SOD2: variants seen among roughly 807,000 people sequenced by gnomAD.
SOD2 encodes superoxide dismutase [Mn], mitochondrial.
Under a neutral mutation model 27.0 loss-of-function variants are expected in SOD2, and 11 were observed. The observed-to-expected ratio is 0.41, with a 90% confidence interval of 0.26 to 0.67. The LOEUF (loss-of-function observed/expected upper bound fraction) is 0.67. Among genes scored for constraint, SOD2 ranks in the 30% least tolerant of loss-of-function variants. The pLI is 0.34. For synonymous variants in SOD2, 105 were observed against 103.0 expected (o/e 1.02, Z -0.12); for missense variants, 250 against 274.5 (o/e 0.91, Z 0.63).
intron 2 of SOD2, among the ~76,000 whole-genome samples, chr6:159,690,128 CCCACAAAAAGTAG>C (rs1371861349): frequency 6.7e-6 from 1 of 149,496 alleles, no homozygotes; most frequent in Non-Finnish European, 1.5e-5. Context: ...TACTAAAAAA[CCCACAAAAAGTAG>C]CCAGGCGTGG....
At chr6:159,735,649 T>G (rs190467797) in intron 1 of SOD2, among the ~76,000 whole-genome samples, 2 of 152,210 alleles carry the variant, frequency 1.3e-5, no homozygotes, top group Admixed American at 1.3e-4. Context: ...TTTAGGGGGC[T>G]GAGGCAGGAG....
intron 1 of SOD2, chr6:159,712,788 G>C: frequency 1.9e-6 from 1 of 523,084 alleles, no homozygotes; most frequent in East Asian, 4.8e-5. Flanking sequence ...TGCATAACTA[G>C]ACTGGTTGGG....
chr6:159,756,594 C>CTTTTTTTTTTTTTTTTT (rs3066261), intron 1 of SOD2, among the ~76,000 whole-genome samples: 1 of 94,372 alleles, frequency 1.1e-5, no homozygotes, highest in Non-Finnish European at 2.0e-5. Flanking sequence ...ATTTCTTAGG[C>CTTTTTTTTTTTTTTTTT]TTTTTTTTTT....
chr6:159,674,392 T>A lies in SOD2; in HGVS notation c.*8101A>T, dbSNP rs996282028. On this transcript the variant is annotated 3_prime_UTR_variant, in exon 5 of 5. Coordinates refer to ENST00000538183, the MANE Select transcript of SOD2 (RefSeq NM_000636.4). ...ATCCAGCAGCATATCAAAAAGCTTA[T>A]CCACCATGATCAAGTGGGCTTCATC... 1 of 152,206 alleles carries A rather than the reference T, an allele frequency of 6.6e-6. No homozygotes were observed. The highest frequency in any genetic ancestry group is 1.9e-4 in the East Asian group (1 of 5,204). 9.4% of individuals were successfully genotyped at this position (152,206 alleles called of 1,614,324 possible).
At position 159,679,680 on chromosome 6, in the gene SOD2, G is replaced by C. The variant is rs1779863798; in HGVS notation, c.*2813C>G. 6.6e-6 allele frequency: 1 copy of C among 152,196 alleles called. No individual in the cohort carries two copies. Among genetic ancestry groups the C allele is most frequent in the Non-Finnish European group, 1.5e-5 (1 of 68,040 alleles). 9.4% of individuals were successfully genotyped at this position (152,196 alleles called of 1,614,324 possible). Reference sequence around the variant, plus strand: ...GGTTTTTGAAGCACAGCTATGACTAGGGCAGGCACTGCTGATTCAGTCACA... The same window carrying C: ...GGTTTTTGAAGCACAGCTATGACTACGGCAGGCACTGCTGATTCAGTCACA... On this transcript the variant is annotated 3_prime_UTR_variant, in exon 5 of 5. Transcript: ENST00000538183.
chr6:159,719,587 C>A (rs1310493823), intron 1 of SOD2, among the ~76,000 whole-genome samples: 1 of 148,840 alleles, frequency 6.7e-6, no homozygotes, highest in Non-Finnish European at 1.5e-5. Flanking sequence ...GATCATGCTA[C>A]CTCACTCCAG....
chr6:159,692,290 A>C, intron 2 of SOD2: 1 of 744,990 alleles, frequency 1.3e-6, no homozygotes, highest in Non-Finnish European at 1.9e-6. Context: ...CCCAAAGCAC[A>C]TTATACAACA....
chr6:159,731,189 T>C (rs757207302), upstream of SOD2, among the ~76,000 whole-genome samples: 7 of 151,010 alleles, frequency 4.6e-5, no homozygotes, highest in Non-Finnish European at 7.4e-5. Context: ...AGGCTGGGCA[T>C]GGTGGCTCAC....
rs374270744 is a variant in SOD2 at position 159,703,145 on chromosome 6, T to C, written c.-115-10282A>G. 1.5e-4 allele frequency among the ~76,000 whole-genome samples: 23 copies of C among 152,136 alleles called. No individual in the cohort carries two copies. In the South Asian group the frequency reaches 2.3e-3, roughly 15 times the overall value. On this transcript the variant is annotated intron_variant, in intron 1 of 2. Coordinates refer to the SOD2 transcript ENST00000401980. ...GCCTGACCAACATGGAGAGACCCCG[T>C]CTCTACAAAAAATACAAAATTAGCC...
At chr6:159,696,973 T>C (rs1370259256), upstream of SOD2, among the ~76,000 whole-genome samples, 1 of 151,320 alleles carries the variant, frequency 6.6e-6, no homozygotes, top group East Asian at 2.0e-4. Flanking sequence ...CAAGAGTTCA[T>C]GGCTGCAATG....
chr6:159,685,706 C>T (rs1190126598), intron 3 of SOD2, among the ~76,000 whole-genome samples: 1 of 150,156 alleles, frequency 6.7e-6, no homozygotes, highest in Admixed American at 6.7e-5. Context: ...GCTCTGTCCT[C>T]AGTGTCTGTT....
Position 159,716,215 on chromosome 6 carries a change from G to C in SOD2, c.-116+10914C>G, listed in dbSNP as rs114959155. Among the ~76,000 whole-genome samples, 1,183 of 152,248 alleles carry C rather than the reference G, an allele frequency of 7.8e-3. 15 individuals are homozygous for C. Among genetic ancestry groups the C allele is most frequent in the African/African-American group, 0.026 (1,093 of 41,548 alleles). On this transcript the variant is annotated intron_variant, in intron 1 of 2. Transcript: ENST00000401980. ...GGTAACAGGAATCCTGATGAACAGTGGTTTTAAATATAAGGACATATCTGT... is the reference window on the plus strand; with the variant it reads ...GGTAACAGGAATCCTGATGAACAGTCGTTTTAAATATAAGGACATATCTGT...
At chr6:159,761,642 CGA>C (rs770865274) in exon 1 of SOD2, 3 of 450,292 alleles carry the variant, frequency 6.7e-6, no homozygotes, top group Admixed American at 2.5e-5. Context: ...CTGAGCTGAA[CGA>C]GAGATAAGTC....
chr6:159,702,214 G>C (rs1777533258), intron 1 of SOD2, among the ~76,000 whole-genome samples: 1 of 152,106 alleles, frequency 6.6e-6, no homozygotes, highest in South Asian at 2.1e-4. Flanking sequence ...CGGTGCTTTG[G>C]GAGGCTGAGG....
intron 1 of SOD2, chr6:159,713,545 CT>C (rs2114828858): frequency 2.7e-6 from 2 of 729,748 alleles, no homozygotes; most frequent in East Asian, 5.0e-5. Flanking sequence ...TTCCCCTGTG[CT>C]TCTGCCCTGA....
chr6:159,743,290 A>G (rs1583090632), intron 1 of SOD2, among the ~76,000 whole-genome samples: 3 of 152,196 alleles, frequency 2.0e-5, no homozygotes, highest in Admixed American at 1.3e-4. Flanking sequence ...CAGGTGATCT[A>G]CCTGCCTCAG....
intron 1 of SOD2, chr6:159,756,177 G>C (rs1170123520): frequency 6.6e-6 from 1 of 152,642 alleles, no homozygotes; most frequent in African/African-American, 2.4e-5. Flanking sequence ...TTCTCTTTAG[G>C]TGACTGTTTA....
upstream of SOD2, among the ~76,000 whole-genome samples, chr6:159,730,024 T>C (rs1331821225): frequency 6.6e-6 from 1 of 152,186 alleles, no homozygotes; most frequent in Non-Finnish European, 1.5e-5. Context: ...AGATATATTA[T>C]CTCTGAATTA....
At chr6:159,719,955 C>T (rs1301334164) in intron 1 of SOD2, among the ~76,000 whole-genome samples, 1 of 150,642 alleles carries the variant, frequency 6.6e-6, no homozygotes, top group African/African-American at 2.4e-5. Context: ...AACTCCCGAC[C>T]TCAAGTGATC....
Sources: allele counts gnomAD v4.1 joint callset (sites outside exome capture counted in the v4.1 genomes callset), GRCh38; gene constraint gnomAD v4.1.1; transcripts MANE v1.5; gene names NCBI Gene and HGNC (gene_info 2026-07-23, HGNC 2026-07-21).